CADM2: variants seen among roughly 807,000 people sequenced by gnomAD.
The protein encoded by CADM2 is cell adhesion molecule 2, also known as immunoglobulin superfamily member 4D.
CADM2 carries 12 observed loss-of-function variants against 49.8 expected under a neutral mutation model. The ratio of observed to expected loss-of-function variants is 0.24; its 90% CI spans 0.15 to 0.39. CADM2 has a LOEUF of 0.39. CADM2 is among the 10% of genes least tolerant of loss of function. The pLI is 1.00. For missense variants in CADM2, 378 were observed against 492.3 expected (o/e 0.77, Z 2.20); for synonymous variants, 214 against 175.4 (o/e 1.22, Z -1.74).
At chr3:85,671,533 T>C (rs187516952) in intron 1 of CADM2, among the ~76,000 whole-genome samples, 120 of 152,328 alleles carry the variant, frequency 7.9e-4, no homozygotes, top group African/African-American at 2.7e-3. Context: ...AAGTGAAAAC[T>C]AGATGACCTA....
chr3:85,391,454 T>C (rs562514827), intron 1 of CADM2, among the ~76,000 whole-genome samples: 1 of 152,034 alleles, frequency 6.6e-6, no homozygotes, highest in South Asian at 2.1e-4. Context: ...AACCCAAATT[T>C]TGTCGGAATA....
intron 3 of CADM2, among the ~76,000 whole-genome samples, chr3:85,848,892 T>C (rs2074986329): frequency 6.6e-6 from 1 of 152,178 alleles, no homozygotes; most frequent in African/African-American, 2.4e-5. Context: ...TTAGTCTGTA[T>C]TACAGATGAA....
intron 3 of CADM2, among the ~76,000 whole-genome samples, chr3:85,866,766 T>A (rs1358036422): frequency 6.6e-6 from 1 of 152,174 alleles, no homozygotes; most frequent in Non-Finnish European, 1.5e-5. Flanking sequence ...ATTCTCTTTC[T>A]ACTTTCACCA....
chr3:85,801,620 A>T (rs994211432), intron 2 of CADM2, among the ~76,000 whole-genome samples: 1 of 152,164 alleles, frequency 6.6e-6, no homozygotes, highest in African/African-American at 2.4e-5. Flanking sequence ...TTTATTCAGG[A>T]TTATAAAAGC....
chr3:85,151,029 A>G (rs17022545), intron 1 of CADM2, among the ~76,000 whole-genome samples: 18,066 of 151,888 alleles, frequency 0.12, 1,342 homozygotes, highest in East Asian at 0.21. Flanking sequence ...TTGAGGCTTG[A>G]ATTTTGGAAT....
Position 86,066,835 on chromosome 3 carries a change from C to A in CADM2, c.*52C>A, listed in dbSNP as rs759045130. ...CTACCAGGCTGAATGCTGGAGAAAACTGGCTATCATCTTTCAGAAGTCATT... is the reference window on the plus strand; with the variant it reads ...CTACCAGGCTGAATGCTGGAGAAAAATGGCTATCATCTTTCAGAAGTCATT... On this transcript the variant is annotated 3_prime_UTR_variant, in exon 10 of 10. Transcript: ENST00000383699. 2.4e-6 allele frequency: 3 copies of A among 1,239,992 alleles called. No individual in the cohort carries two copies. The South Asian group carries it at 3.6e-5, about 15-fold the overall frequency. The allele number at this position is 1,239,992 out of a possible 1,614,324, so 76.8% of individuals were successfully genotyped here. A position where few individuals can be genotyped will look rare whatever the true frequency, so the allele number is the denominator to read the frequency against.
chr3:85,917,520 G>C (rs537000349), intron 6 of CADM2, among the ~76,000 whole-genome samples: 2 of 152,142 alleles, frequency 1.3e-5, no homozygotes, highest in South Asian at 4.1e-4. Context: ...CTGTTCCATT[G>C]GCCTATATCT....
chr3:85,125,457 C>T (rs189474853), intron 1 of CADM2, among the ~76,000 whole-genome samples: 1 of 152,116 alleles, frequency 6.6e-6, no homozygotes, highest in Non-Finnish European at 1.5e-5. Context: ...CCACTGGGCT[C>T]AGGTGTTCCT....
intron 7 of CADM2, among the ~76,000 whole-genome samples, chr3:85,947,453 CAATT>C (rs1722873860): frequency 6.6e-6 from 1 of 150,830 alleles, no homozygotes; most frequent in African/African-American, 2.4e-5. Flanking sequence ...AAAATTGTCT[CAATT>C]AACTAATTAA....
chr3:85,324,615 G>A (rs1470515676), intron 1 of CADM2, among the ~76,000 whole-genome samples: 3 of 151,948 alleles, frequency 2.0e-5, no homozygotes, highest in South Asian at 2.1e-4. Context: ...TTGTTCCTGC[G>A]TTATTTTAAC....
chr3:85,713,527 A>T (rs917081387), intron 1 of CADM2, among the ~76,000 whole-genome samples: 1 of 152,166 alleles, frequency 6.6e-6, no homozygotes, highest in East Asian at 1.9e-4. Flanking sequence ...GCAGAAGAAC[A>T]TAAGAAAAAA....
At chr3:85,292,851 C>T (rs1294046363) in intron 1 of CADM2, among the ~76,000 whole-genome samples, 16 of 152,096 alleles carry the variant, frequency 1.1e-4, no homozygotes, top group African/African-American at 2.9e-4. Flanking sequence ...AGATCCAAAA[C>T]TGACACCCTA....
intron 1 of CADM2, among the ~76,000 whole-genome samples, chr3:85,146,262 T>A (rs990618012): frequency 1.3e-5 from 2 of 152,200 alleles, no homozygotes; most frequent in African/African-American, 4.8e-5. Flanking sequence ...ATATTAATAG[T>A]AATTGTATTA....
In CADM2 at chr3:85,884,895, T is replaced by A. The variant is rs866681892; in HGVS notation, c.392-1295T>A. Among the ~76,000 whole-genome samples, 391 of 149,826 alleles carry A rather than the reference T, an allele frequency of 2.6e-3. 1 individual carries two copies. Among genetic ancestry groups the A allele is most frequent in the African/African-American group, 9.3e-3 (381 of 41,036 alleles). On this transcript the variant is annotated intron_variant, in intron 4 of 9. Coordinates refer to ENST00000383699, the MANE Select transcript of CADM2 (RefSeq NM_001167675.2). ...ACCTGCCACCACGCCTGGCTAATTTTTTTTTTTTTTTTGTATTTTTAGTAG... is the reference window on the plus strand; with the variant it reads ...ACCTGCCACCACGCCTGGCTAATTTATTTTTTTTTTTTGTATTTTTAGTAG...
chr3:85,605,903 T>A (rs969875878), intron 1 of CADM2, among the ~76,000 whole-genome samples: 5 of 151,996 alleles, frequency 3.3e-5, no homozygotes, highest in Admixed American at 1.3e-4. Context: ...AAATATAAAA[T>A]CTCATGGCCA....
At chr3:85,606,047 A>G (rs2063528764) in intron 1 of CADM2, among the ~76,000 whole-genome samples, 1 of 152,104 alleles carries the variant, frequency 6.6e-6, no homozygotes. Context: ...GACTTTAATA[A>G]TAATAGCAGC....
intron 1 of CADM2, among the ~76,000 whole-genome samples, chr3:85,554,885 T>G (rs1253841101): frequency 6.8e-6 from 1 of 146,438 alleles, no homozygotes; most frequent in Non-Finnish European, 1.5e-5. Flanking sequence ...TATTTTTATT[T>G]TTTTTTTTTT....
At chr3:85,749,643 T>C (rs2068781509) in intron 2 of CADM2, among the ~76,000 whole-genome samples, 1 of 152,002 alleles carries the variant, frequency 6.6e-6, no homozygotes, top group Non-Finnish European at 1.5e-5. Context: ...GTTTTGTGTA[T>C]TTGTGTTGTG....
chr3:85,691,307 C>G (rs1290703092), intron 1 of CADM2, among the ~76,000 whole-genome samples: 3 of 152,158 alleles, frequency 2.0e-5, no homozygotes, highest in Non-Finnish European at 4.4e-5. Flanking sequence ...GTCTCTCACT[C>G]TCTGTGCAAT....
Sources: allele counts gnomAD v4.1 joint callset (sites outside exome capture counted in the v4.1 genomes callset), GRCh38; gene constraint gnomAD v4.1.1; transcripts MANE v1.5; gene names NCBI Gene and HGNC (gene_info 2026-07-23, HGNC 2026-07-21).